MDGA2: variants seen among roughly 807,000 people sequenced by gnomAD.
The protein encoded by MDGA2 is MAM domain containing glycosylphosphatidylinositol anchor 2, also known as MAM domain-containing glycosylphosphatidylinositol anchor protein 2.
A neutral mutation model predicts 117.8 loss-of-function variants in MDGA2; 40 were observed. The observed-to-expected ratio is 0.34, with a 90% CI of 0.26 to 0.44. The LOEUF (loss-of-function observed/expected upper bound fraction) is 0.44. Ranked by LOEUF, MDGA2 falls within the 20% of genes least tolerant of loss-of-function variation. The pLI, the probability that MDGA2 is intolerant of heterozygous loss-of-function variation, is 1.00. For missense variants in MDGA2, 1,123 were observed against 1,250.6 expected, an observed-to-expected ratio of 0.90 and a Z score of 1.54; for synonymous variants, 452 against 439.0, an observed-to-expected ratio of 1.03 and a Z score of -0.37.
chr14:47,084,074 A>G (rs1276839853), intron 6 of MDGA2, among the ~76,000 whole-genome samples: 2 of 152,142 alleles, frequency 1.3e-5, no homozygotes, highest in Admixed American at 6.6e-5. Context: ...GTATCAAATC[A>G]ACATTTATCG....
At chr14:47,456,294 CTT>C (rs56176876) in intron 1 of MDGA2, among the ~76,000 whole-genome samples, 6 of 140,634 alleles carry the variant, frequency 4.3e-5, no homozygotes, top group Non-Finnish European at 1.5e-5. Flanking sequence ...AATTGTTTAC[CTT>C]TTTTTTTTTT....
At chr14:47,540,932 AT>A (rs1566506333) in intron 1 of MDGA2, among the ~76,000 whole-genome samples, 1 of 151,948 alleles carries the variant, frequency 6.6e-6, no homozygotes, top group Non-Finnish European at 1.5e-5. Context: ...CCATGAAGGA[AT>A]TTTTTTCTGG....
chr14:47,624,763 T>G (rs1037871698), intron 1 of MDGA2, among the ~76,000 whole-genome samples: 4 of 152,152 alleles, frequency 2.6e-5, no homozygotes, highest in Non-Finnish European at 4.4e-5. Context: ...AAACATAACA[T>G]TTCTGCTTAT....
chr14:47,517,361 G>A (rs191215687), intron 1 of MDGA2, among the ~76,000 whole-genome samples: 4 of 152,150 alleles, frequency 2.6e-5, no homozygotes. Flanking sequence ...ATATTAGCAT[G>A]CCATCATGTG....
intron 5 of MDGA2, among the ~76,000 whole-genome samples, chr14:47,114,455 T>C (rs1302748980): frequency 1.3e-5 from 2 of 151,956 alleles, no homozygotes; most frequent in Non-Finnish European, 2.9e-5. Flanking sequence ...AAAGAGCCCA[T>C]ATAGCCAAGA....
At chr14:47,425,092 C>G (rs1169154253) in intron 1 of MDGA2, among the ~76,000 whole-genome samples, 1 of 152,124 alleles carries the variant, frequency 6.6e-6, no homozygotes, top group African/African-American at 2.4e-5. Flanking sequence ...TTAAAGTTAT[C>G]AGGCAATTTA....
At chr14:47,488,421 C>A (rs892312918) in intron 1 of MDGA2, among the ~76,000 whole-genome samples, 2 of 152,052 alleles carry the variant, frequency 1.3e-5, no homozygotes, top group Admixed American at 1.3e-4. Context: ...TCCTATATTT[C>A]TACTACTTTG....
intron 2 of MDGA2, among the ~76,000 whole-genome samples, chr14:47,284,297 G>A (rs751544633): frequency 6.6e-6 from 1 of 152,150 alleles, no homozygotes; most frequent in African/African-American, 2.4e-5. Flanking sequence ...GGACTTGAGT[G>A]TAATGTGACT....
chr14:47,469,541 T>C (rs1023654001), intron 1 of MDGA2, among the ~76,000 whole-genome samples: 1 of 152,158 alleles, frequency 6.6e-6, no homozygotes, highest in Non-Finnish European at 1.5e-5. Flanking sequence ...ATTTTCTTAA[T>C]CCAGTCTATC....
chr14:46,895,886 TCA>T (rs1288645220), intron 10 of MDGA2, among the ~76,000 whole-genome samples: 1 of 152,186 alleles, frequency 6.6e-6, no homozygotes, highest in Non-Finnish European at 1.5e-5. Context: ...TAACTTCCTT[TCA>T]CAGTCTTTCA....
chr14:47,214,036 A>G (rs891221369), intron 3 of MDGA2, among the ~76,000 whole-genome samples: 11 of 152,084 alleles, frequency 7.2e-5, no homozygotes, highest in African/African-American at 2.2e-4. Flanking sequence ...AGTCCCTCAT[A>G]AAACCATCAG....
chr14:47,164,527 A>C (rs1883780546), intron 3 of MDGA2, among the ~76,000 whole-genome samples: 1 of 152,230 alleles, frequency 6.6e-6, no homozygotes, highest in Non-Finnish European at 1.5e-5. Flanking sequence ...GCCATCAGAG[A>C]AATGCAAATC....
intron 9 of MDGA2, among the ~76,000 whole-genome samples, chr14:46,922,990 C>G (rs187138184): frequency 4.1e-4 from 63 of 152,268 alleles, no homozygotes; most frequent in East Asian, 3.3e-3. Context: ...TGGCTGCATG[C>G]CATGAATACA....
chr14:47,273,510 G>A (rs774327923), intron 2 of MDGA2, among the ~76,000 whole-genome samples: 6 of 152,082 alleles, frequency 3.9e-5, no homozygotes, highest in Non-Finnish European at 7.4e-5. Context: ...CAAGAAGAAA[G>A]TAAAAGGAAG....
intron 1 of MDGA2, among the ~76,000 whole-genome samples, chr14:47,388,701 G>T (rs1405385421): frequency 1.3e-5 from 2 of 152,134 alleles, no homozygotes; most frequent in Non-Finnish European, 2.9e-5. Context: ...CTTCTATCAT[G>T]CTTAGAAATG....
intron 9 of MDGA2, among the ~76,000 whole-genome samples, chr14:46,921,173 G>C (rs1348802786): frequency 6.6e-6 from 1 of 152,036 alleles, no homozygotes; most frequent in African/African-American, 2.4e-5. Context: ...CAATGAATCA[G>C]GTATGGCCTC....
chr14:47,096,395 G>T lies in MDGA2; in HGVS notation c.1195+459C>A, dbSNP rs192079894. On this transcript the variant is annotated intron_variant, in intron 6 of 16. Transcript: ENST00000399232. ...TTTCACTATCTGACAGTGGAATCCT[G>T]AGTACAGGGTAATGTTTGATAGATC... is the stretch of plus-strand genomic sequence containing the variant. 2.5e-4 allele frequency among the ~76,000 whole-genome samples: 38 copies of T among 152,044 alleles called. No individual in the cohort carries two copies. In the East Asian group the frequency reaches 6.8e-3, roughly 27 times the overall value.
chr14:46,986,700 T>C (rs1306362997), intron 8 of MDGA2, among the ~76,000 whole-genome samples: 1 of 152,118 alleles, frequency 6.6e-6, no homozygotes, highest in Admixed American at 6.6e-5. Context: ...TGCTGTCTTA[T>C]AAACACACTG....
intron 1 of MDGA2, among the ~76,000 whole-genome samples, chr14:47,516,625 G>C (rs926606058): frequency 1.3e-5 from 2 of 152,128 alleles, no homozygotes; most frequent in Non-Finnish European, 2.9e-5. Flanking sequence ...CAGAAGAAAT[G>C]CTAATCTTCC....
Sources: gnomAD v4.1 joint callset for allele counts (sites outside exome capture counted in the v4.1 genomes callset) on GRCh38, gnomAD v4.1.1 for gene constraint, MANE v1.5 for transcripts, NCBI Gene and HGNC (gene_info 2026-07-23, HGNC 2026-07-21) for gene names.